The following ROBO1 variants were observed in gnomAD, a reference collection of about 807,000 sequenced individuals.
ROBO1 encodes the protein roundabout guidance receptor 1, also known as roundabout homolog 1.
Under a neutral mutation model 195.9 loss-of-function variants are expected in ROBO1, and 149 were observed. The ratio of observed to expected loss-of-function variants is 0.76; its 90% CI spans 0.67 to 0.87. The LOEUF (loss-of-function observed/expected upper bound fraction) is 0.87, where lower values mean the gene tolerates loss of function less well. ROBO1 is among the 40% of genes least tolerant of loss of function. The probability of loss-of-function intolerance (pLI) is 0.00; values close to 1 mark genes in which losing one functional copy is unlikely to be tolerated. For synonymous variants in ROBO1, 816 were observed against 733.2 expected, an observed-to-expected ratio of 1.11 and a Z score of -1.82; for missense variants, 1,933 against 2,068.3, an observed-to-expected ratio of 0.93 and a Z score of 1.27.
chr3:79,271,827 ATGAT>A (rs1348469048), intron 2 of ROBO1, among the ~76,000 whole-genome samples: 2 of 152,066 alleles, frequency 1.3e-5, no homozygotes, highest in African/African-American at 4.8e-5. Flanking sequence ...AAGTGAATGA[ATGAT>A]TGATTTAATA....
chr3:79,282,751 A>G (rs1436316988), intron 2 of ROBO1, among the ~76,000 whole-genome samples: 8 of 152,194 alleles, frequency 5.3e-5, no homozygotes, highest in Non-Finnish European at 1.5e-5. Context: ...TATATATTTC[A>G]ACTAGTAATG....
chr3:78,708,267 T>G (rs1044723623), intron 8 of ROBO1, among the ~76,000 whole-genome samples: 1 of 152,126 alleles, frequency 6.6e-6, no homozygotes, highest in Non-Finnish European at 1.5e-5. Flanking sequence ...TCACCTATCT[T>G]TCGTTTGGAA....
rs162424 is a variant in ROBO1, at chr3:78,939,475, T to A, written c.173-548A>T. On this transcript the variant is annotated intron_variant, in intron 3 of 30. Coordinates refer to ENST00000464233, the MANE Select transcript of ROBO1 (RefSeq NM_002941.4). The stretch of plus-strand genomic sequence containing the variant: ...TAAAAAAAAAAAAAAAAAATTAGCC[T>A]GGCGTGGTGGCGGACACCTGAAGTC... Among the ~76,000 whole-genome samples the A allele has an allele frequency of 7.2e-4, 109 of 150,624 alleles. 1 individual carries two copies. Among genetic ancestry groups the A allele is most frequent in the African/African-American group, 1.5e-4 (6 of 41,002 alleles).
intron 2 of ROBO1, among the ~76,000 whole-genome samples, chr3:79,581,107 G>C (rs1300971639): frequency 6.6e-6 from 1 of 151,924 alleles, no homozygotes; most frequent in Non-Finnish European, 1.5e-5. Flanking sequence ...CAGTGTCTCT[G>C]GAAATAGTTT....
At chr3:79,036,090 TTAATC>T (rs1398294661) in intron 3 of ROBO1, among the ~76,000 whole-genome samples, 2 of 152,124 alleles carry the variant, frequency 1.3e-5, no homozygotes, top group African/African-American at 4.8e-5. Flanking sequence ...GGTTAACAAA[TTAATC>T]TAACTTAATG....
At chr3:79,282,671 A>G (rs1165572240) in intron 2 of ROBO1, among the ~76,000 whole-genome samples, 1 of 152,170 alleles carries the variant, frequency 6.6e-6, no homozygotes, top group African/African-American at 2.4e-5. Context: ...GTGGCATAGG[A>G]AAGATGAGAA....
chr3:78,972,828 G>C (rs188037169), intron 3 of ROBO1, among the ~76,000 whole-genome samples: 46 of 152,260 alleles, frequency 3.0e-4, no homozygotes, highest in Admixed American at 1.3e-4. Context: ...ACTGGTACCA[G>C]AATACACAGA....
chr3:79,453,973 C>T (rs908758819), intron 2 of ROBO1, among the ~76,000 whole-genome samples: 9 of 152,156 alleles, frequency 5.9e-5, no homozygotes, highest in African/African-American at 1.9e-4. Flanking sequence ...GATAGGAACT[C>T]CTCCTCATAC....
Position 78,685,733 on chromosome 3 carries a change from T to G in ROBO1, c.1342+13A>C. ...AACTTGGACATTTTGAAATAAAATG[T>G]TTTACACTTTACCATCTGTAACTTC... is the stretch of plus-strand genomic sequence containing the variant. On this transcript the variant is annotated intron_variant, in intron 10 of 30. Coordinates refer to ENST00000464233, the MANE Select transcript of ROBO1 (RefSeq NM_002941.4). 1 of 1,577,742 alleles carries G rather than the reference T, an allele frequency of 6.3e-7. No individual in the cohort carries two copies. Among genetic ancestry groups the G allele is most frequent in the Non-Finnish European group, 8.7e-7 (1 of 1,154,874 alleles).
intron 3 of ROBO1, among the ~76,000 whole-genome samples, chr3:78,980,411 A>G (rs2076966958): frequency 1.3e-5 from 2 of 152,198 alleles, no homozygotes; most frequent in Admixed American, 1.3e-4. Context: ...GGAATCAACT[A>G]CTTTCATGAA....
intron 26 of ROBO1, among the ~76,000 whole-genome samples, chr3:78,622,173 T>C (rs1671273467): frequency 6.6e-6 from 1 of 152,182 alleles, no homozygotes; most frequent in Non-Finnish European, 1.5e-5. Flanking sequence ...GTTGATCACC[T>C]AGTTTACCCA....
intron 1 of ROBO1, among the ~76,000 whole-genome samples, chr3:79,593,426 G>A (rs1344440634): frequency 6.6e-6 from 1 of 151,998 alleles, no homozygotes; most frequent in African/African-American, 2.4e-5. Context: ...AGCTGGTGTT[G>A]CCAGTGTTCT....
At chr3:78,884,893 T>TGTGTGTGTGTGC (rs2036453778) in intron 4 of ROBO1, among the ~76,000 whole-genome samples, 4 of 151,650 alleles carry the variant, frequency 2.6e-5, no homozygotes, top group Non-Finnish European at 5.9e-5. Context: ...TGTGTGTGTG[T>TGTGTGTGTGTGC]ATTTCTCTTC....
At chr3:79,076,130 A>C (rs953568961) in intron 3 of ROBO1, among the ~76,000 whole-genome samples, 1 of 150,600 alleles carries the variant, frequency 6.6e-6, no homozygotes, top group East Asian at 2.0e-4. Flanking sequence ...AAAACAAATG[A>C]GTTTATACTT....
chr3:79,763,261 G>A (rs1474836785), intron 1 of ROBO1, among the ~76,000 whole-genome samples: 1 of 150,782 alleles, frequency 6.6e-6, no homozygotes, highest in Non-Finnish European at 1.5e-5. Flanking sequence ...AAATAATAAG[G>A]GCAAAATGCA....
chr3:79,301,011 G>A (rs776492106), intron 2 of ROBO1, among the ~76,000 whole-genome samples: 1 of 152,134 alleles, frequency 6.6e-6, no homozygotes, highest in African/African-American at 2.4e-5. Flanking sequence ...GGCCAGATAA[G>A]TGAATAAAAG....
At chr3:79,074,851 A>G (rs1483211794) in intron 3 of ROBO1, among the ~76,000 whole-genome samples, 1 of 151,950 alleles carries the variant, frequency 6.6e-6, no homozygotes, top group Non-Finnish European at 1.5e-5. Flanking sequence ...AATCTGTAGC[A>G]CAAATAAACT....
intron 1 of ROBO1, among the ~76,000 whole-genome samples, chr3:79,762,248 G>A (rs1009347445): frequency 1.4e-4 from 21 of 151,798 alleles, no homozygotes; most frequent in Non-Finnish European, 2.4e-4. Flanking sequence ...ATGTTTAGTC[G>A]GGGGGGAAGG....
intron 4 of ROBO1, among the ~76,000 whole-genome samples, chr3:78,771,458 AG>A (rs1559838515): frequency 6.6e-6 from 1 of 152,156 alleles, no homozygotes; most frequent in Admixed American, 6.6e-5. Context: ...TAACAGCAAT[AG>A]TGTTGAATCT....
Sources: allele counts gnomAD v4.1 joint callset (sites outside exome capture counted in the v4.1 genomes callset), GRCh38; gene constraint gnomAD v4.1.1; transcripts MANE v1.5; gene names NCBI Gene and HGNC (gene_info 2026-07-23, HGNC 2026-07-21).